The following B3GNT4 variants were observed in gnomAD, a reference collection of about 807,000 sequenced individuals.
The protein encoded by B3GNT4 is N-acetyllactosaminide beta-1,3-N-acetylglucosaminyltransferase 4.
In B3GNT4, 2 loss-of-function variants were observed where a neutral mutation model predicts 2.7. That is an observed-to-expected ratio of 0.73 (90% CI 0.30 to 2.31). B3GNT4 has a LOEUF of 2.31. Ranked by LOEUF, B3GNT4 falls within the 30% of genes most tolerant of loss-of-function variation. The pLI, the probability that B3GNT4 is intolerant of heterozygous loss-of-function variation, is 0.12. For missense variants in B3GNT4, 708 were observed against 490.9 expected, an observed-to-expected ratio of 1.44 and a Z score of -4.18; for synonymous variants, 280 against 203.4, an observed-to-expected ratio of 1.38 and a Z score of -3.20.
At chr12:122,204,852 C>G (rs1329910261) in intron 2 of B3GNT4, 168 bp downstream of exon 2, 2 of 609,128 alleles carry the variant, frequency 3.3e-6, no homozygotes, top group Non-Finnish European at 5.8e-6. Context: ...CCAGCCCAGG[C>G]AACAAAAGAT....
intron 2 of B3GNT4, 178 bp downstream of exon 2, chr12:122,204,862 T>C (rs1162046254): frequency 3.4e-6 from 2 of 590,854 alleles, no homozygotes; most frequent in African/African-American, 3.8e-5. Context: ...CAACAAAAGA[T>C]ACCACATCTC....
At position 122,204,560 on chromosome 12, in the gene B3GNT4, A is replaced by ACCC. The variant is rs2136071361; in HGVS notation, c.-57_-55dup. On this transcript the variant is annotated 5_prime_UTR_variant, in exon 2 of 3. Coordinates refer to ENST00000324189, the MANE Select transcript of B3GNT4 (RefSeq NM_030765.4). Reference sequence around the variant, plus strand: ...CACACCTGAGACTCATCTCGCTTCGACCCCGCCGCCGCCGCCGCCCGGCAT... The same window carrying ACCC: ...CACACCTGAGACTCATCTCGCTTCGACCCCCCCGCCGCCGCCGCCGCCCGGCAT... 6.6e-6 allele frequency: 8 copies of ACCC among 1,216,376 alleles called. No homozygotes were observed. The highest frequency in any genetic ancestry group is 9.6e-6 in the Non-Finnish European group (8 of 834,746). 75.3% of individuals were successfully genotyped at this position (1,216,376 alleles called of 1,614,324 possible).
Position 122,206,508 on chromosome 12 carries a change from C to T in B3GNT4, c.257C>T (p.Ser86Phe). 6.2e-7 allele frequency: 1 copy of T among 1,614,198 alleles called. No homozygotes were observed. Among genetic ancestry groups the T allele is most frequent in the East Asian group, 2.2e-5 (1 of 44,878 alleles). Reference protein sequence around the residue: ...CPPNHTVSSASLSLPSRHRLF... With the variant: ...CPPNHTVSSAFLSLPSRHRLF... ...CCCAACCACACAGTGTCTAGCGCCTCTCTGTCCCTGCCTAGCCGTCACCGT... is the reference window on the plus strand; with the variant it reads ...CCCAACCACACAGTGTCTAGCGCCTTTCTGTCCCTGCCTAGCCGTCACCGT... Residue 86 changes from serine (S) to phenylalanine (F), a missense_variant, in exon 3 of 3, where the codon TCT (serine) becomes TTT (phenylalanine). Transcript: ENST00000324189.
chr12:122,207,231 C>T lies in B3GNT4; in HGVS notation c.980C>T (p.Thr327Ile), dbSNP rs754835806. The T allele has an allele frequency of 9.3e-6, 15 of 1,614,024 alleles. No homozygotes were observed. Among genetic ancestry groups the T allele is most frequent in the Admixed American group, 1.7e-5 (1 of 59,998 alleles). The change falls in exon 3 of 3, where the codon ACA becomes ATA. Residue 327 changes from threonine (T) to isoleucine (I), a missense_variant. Coordinates refer to ENST00000324189, the MANE Select transcript of B3GNT4 (RefSeq NM_030765.4). ...LSPMHHAGFK[T>I]FGIRRPLDPL... ...CCTATGCACCATGCTGGCTTCAAGA[C>T]ATTTGGAATCCGGCGGCCCCTGGAC...
At position 122,206,929 on chromosome 12, in the gene B3GNT4, C is replaced by T. The variant is rs1056583190; in HGVS notation, c.678C>T (p.Pro226=). Residue 226 remains proline (P), a synonymous_variant, in exon 3 of 3, where the codon CCC becomes CCT. Transcript: ENST00000324189. ...ATGACGATGTCTTTGTCCACGTCCCCAACGTGTTAGAGTTCCTGGATGGCT... is the reference window on the plus strand; with the variant it reads ...ATGACGATGTCTTTGTCCACGTCCCTAACGTGTTAGAGTTCCTGGATGGCT... ...KGDDDVFVHV[P]NVLEFLDGWD... The T allele has an allele frequency of 6.8e-6, 11 of 1,614,004 alleles. No homozygotes were observed. Among genetic ancestry groups the T allele is most frequent in the Non-Finnish European group, 9.3e-6 (11 of 1,180,034 alleles).
In B3GNT4 at chr12:122,207,259, C is replaced by G; in HGVS notation, c.1008C>G (p.Pro336=). 6.2e-7 allele frequency: 1 copy of G among 1,614,144 alleles called. No homozygotes were observed. The change falls in exon 3 of 3, where the codon CCC becomes CCG. Residue 336 remains proline, a synonymous_variant. Transcript: ENST00000324189. ...TTGGAATCCGGCGGCCCCTGGACCC[C>G]TTAGACCCCTGCCTGTATAGGGGGC... The part of the protein sequence containing the change: ...KTFGIRRPLD[P]LDPCLYRGLL...
chr12:122,208,301 G>A lies in B3GNT4; in HGVS notation c.*913G>A, dbSNP rs778564058. ...GCCGCCTCTTCTCGGTGCACAGACA[G>A]TCATGCCAACCCTGGGCAGGGTGGC... On this transcript the variant is annotated 3_prime_UTR_variant, in exon 3 of 3. Transcript: ENST00000324189. 2.6e-6 allele frequency: 4 copies of A among 1,539,960 alleles called. No individual in the cohort carries two copies. Among genetic ancestry groups the A allele is most frequent in the Non-Finnish European group, 3.6e-6 (4 of 1,123,524 alleles).
Position 122,207,458 on chromosome 12 carries a change from C to A in B3GNT4, c.*70C>A. On this transcript the variant is annotated 3_prime_UTR_variant, in exon 3 of 3. Transcript: ENST00000324189. ...CTCTATCGTGATGCGAAATTGATGC[C>A]TGCTGCTCTACAGAAAATGCCAACT... 1 of 1,374,552 alleles carries A rather than the reference C, an allele frequency of 7.3e-7. No homozygotes were observed. Among genetic ancestry groups the A allele is most frequent in the South Asian group, 1.5e-5 (1 of 67,498 alleles). The allele number at this position is 1,374,552 out of a possible 1,614,324, so 85.1% of individuals were successfully genotyped here.
Position 122,208,640 on chromosome 12 carries a change from G to A in B3GNT4, c.*1252G>A, listed in dbSNP as rs1169290943. 3.2e-6 allele frequency: 5 copies of A among 1,549,880 alleles called. No individual in the cohort carries two copies. Among genetic ancestry groups the A allele is most frequent in the Admixed American group, 3.6e-5 (2 of 55,048 alleles). ...CAGGGCGCGGAAGGCTCATGTGGACGTTGGCCTGGGGGTGCTGTGGCTGTC... is the reference window on the plus strand; with the variant it reads ...CAGGGCGCGGAAGGCTCATGTGGACATTGGCCTGGGGGTGCTGTGGCTGTC... On this transcript the variant is annotated 3_prime_UTR_variant, in exon 3 of 3. Transcript: ENST00000324189.
In B3GNT4 at chr12:122,206,855, C is replaced by CA. The variant is rs746674091; in HGVS notation, c.604_605insA (p.Arg202GlnfsTer18). ...GACGCTCAAGGAGCTGCACCTGCAG[C>CA]GCTGGGTGGTGGCTGCCTGCCCCCA... On this transcript the variant is annotated frameshift_variant, in exon 3 of 3. Coordinates refer to ENST00000324189, the MANE Select transcript of B3GNT4 (RefSeq NM_030765.4). LOFTEE classifies it low-confidence loss of function (END_TRUNC). 1 of 1,613,748 alleles carries CA rather than the reference C, an allele frequency of 6.2e-7. No individual in the cohort carries two copies. The highest frequency in any genetic ancestry group is 2.2e-5 in the East Asian group (1 of 44,862).
In B3GNT4 at chr12:122,206,905, T is replaced by C; in HGVS notation, c.654T>C (p.Asp218=). Residue 218 remains aspartate, a synonymous_variant, in exon 3 of 3, where the codon GAT becomes GAC. Coordinates refer to ENST00000324189, the MANE Select transcript of B3GNT4 (RefSeq NM_030765.4). ...AGGCCCATTTCATGCTAAAGGGAGA[T>C]GACGATGTCTTTGTCCACGTCCCCA... The part of the protein sequence containing the change: ...CPQAHFMLKG[D]DDVFVHVPNV... The C allele has an allele frequency of 6.2e-7, 1 of 1,614,062 alleles. No homozygotes were observed. The highest frequency in any genetic ancestry group is 1.3e-5 in the African/African-American group (1 of 75,044).
rs1185214172 is a variant in B3GNT4 at position 122,207,411 on chromosome 12, G to T, written c.*23G>T. The T allele has an allele frequency of 1.5e-5, 23 of 1,515,534 alleles. No homozygotes were observed. Among genetic ancestry groups the T allele is most frequent in the Non-Finnish European group, 2.0e-5 (23 of 1,134,346 alleles). 93.9% of individuals were successfully genotyped at this position (1,515,534 alleles called of 1,614,324 possible). On this transcript the variant is annotated 3_prime_UTR_variant, in exon 3 of 3. Transcript: ENST00000324189. ...TGAAGGGTGGGTTGGGCAACAGCCT[G>T]AGAGTGGACTCAGTGTTGATTCTCT... is the stretch of plus-strand genomic sequence containing the variant.
chr12:122,206,985 A>C lies in B3GNT4; in HGVS notation c.734A>C (p.Asp245Ala), dbSNP rs370749355. 6.2e-7 allele frequency: 1 copy of C among 1,613,798 alleles called. No individual in the cohort carries two copies. The highest frequency in any genetic ancestry group is 1.3e-5 in the African/African-American group (1 of 74,852). ...CCAGCCCAGGACCTCCTGGTGGGAG[A>C]TGTCATCCGCCAAGCCCTGCCCAAC... is the stretch of plus-strand genomic sequence containing the variant. ...WDPAQDLLVG[D>A]VIRQALPNRN... Residue 245 changes from aspartate to alanine, a missense_variant, in exon 3 of 3, where the codon GAT (aspartate) becomes GCT (alanine). Asp to Ala is a moderately radical substitution (Grantham distance 126). Coordinates refer to ENST00000324189, the MANE Select transcript of B3GNT4 (RefSeq NM_030765.4).
Position 122,207,097 on chromosome 12 carries a change from CA to C in B3GNT4, c.847del (p.Met283CysfsTer30). The C allele has an allele frequency of 6.2e-7, 1 of 1,614,124 alleles. No individual in the cohort carries two copies. Among genetic ancestry groups the C allele is most frequent in the South Asian group, 1.1e-5 (1 of 91,066 alleles). The part of the protein sequence containing the change: ...PPYAGGGGYV[M>X]SRATVRRLQA... ...CCTATGCTGGTGGGGGAGGATATGT[CA>C]TGTCCAGAGCCACAGTGCGGCGCCT... On this transcript the variant is annotated frameshift_variant, in exon 3 of 3. Coordinates refer to ENST00000324189, the MANE Select transcript of B3GNT4 (RefSeq NM_030765.4). LOFTEE classifies it low-confidence loss of function (END_TRUNC).
rs766746640 is a variant in B3GNT4 at position 122,208,456 on chromosome 12, C to T, written c.*1068C>T. On this transcript the variant is annotated 3_prime_UTR_variant, in exon 3 of 3. Transcript: ENST00000324189. ...CTTCCTCCTGTGTTTTCTGACGGAG[C>T]TCTTCTATCTGTGCTTCTGCCAGCT... 9 of 1,614,004 alleles carry T rather than the reference C, an allele frequency of 5.6e-6. No individual in the cohort carries two copies. Among genetic ancestry groups the T allele is most frequent in the Non-Finnish European group, 7.6e-6 (9 of 1,180,048 alleles).
chr12:122,208,709 T>C lies in B3GNT4; in HGVS notation c.*1321T>C, dbSNP rs1270484904. 9.3e-6 allele frequency: 8 copies of C among 857,886 alleles called. No individual in the cohort carries two copies. Among genetic ancestry groups the C allele is most frequent in the African/African-American group, 1.7e-5 (1 of 59,924 alleles). The allele number at this position is 857,886 out of a possible 1,614,324, so 53.1% of individuals were successfully genotyped here. A position where few individuals can be genotyped will look rare whatever the true frequency, so the allele number is the denominator to read the frequency against. On this transcript the variant is annotated 3_prime_UTR_variant, in exon 3 of 3. Transcript: ENST00000324189. Reference sequence around the variant, plus strand: ...GTCACTTTCCTTGACCTCCCTGTCTTCTCTCTCTGCAAAGAAACTTCCACC... The same window carrying C: ...GTCACTTTCCTTGACCTCCCTGTCTCCTCTCTCTGCAAAGAAACTTCCACC...
intron 2 of B3GNT4, chr12:122,204,954 CAG>C (rs2136071955): frequency 2.1e-6 from 1 of 477,104 alleles, no homozygotes; most frequent in East Asian, 4.3e-5. Context: ...CGCTTGAACC[CAG>C]GAGTTCCAGG....
chr12:122,208,770 CA>C lies in B3GNT4; in HGVS notation c.*1387del. On this transcript the variant is annotated 3_prime_UTR_variant, in exon 3 of 3. Transcript: ENST00000324189. Reference sequence around the variant, plus strand: ...GGTCTGGATTTAACTGACACTCTGTCAAAAACAGCATTTTTCTTCAGCTGTC... The same window carrying C: ...GGTCTGGATTTAACTGACACTCTGTCAAAACAGCATTTTTCTTCAGCTGTC... The C allele has an allele frequency of 1.4e-6, 1 of 693,116 alleles. No homozygotes were observed. The highest frequency in any genetic ancestry group is 1.5e-5 in the South Asian group (1 of 66,754). 42.9% of individuals were successfully genotyped at this position (693,116 alleles called of 1,614,324 possible).
Position 122,206,320 on chromosome 12 carries a change from A to G in B3GNT4, c.69A>G (p.Gly23=), listed in dbSNP as rs1953914243. 1 of 1,556,846 alleles carries G rather than the reference A, an allele frequency of 6.4e-7. No individual in the cohort carries two copies. Among genetic ancestry groups the G allele is most frequent in the East Asian group, 2.3e-5 (1 of 44,324 alleles). ...RGGRSGLLPK[G]PAMLCRLCWL... is the part of the protein sequence containing the mutation. ...CTCAGGTGGCTCTCTCCTTGCAGGG[A>G]CCGGCGATGCTCTGCAGGCTGTGCT... The change falls in exon 3 of 3, where the codon GGA becomes GGG. Residue 23 remains glycine, a splice_region_variant and synonymous_variant. Coordinates refer to ENST00000324189, the MANE Select transcript of B3GNT4 (RefSeq NM_030765.4).
Sources: gnomAD v4.1 joint callset for allele counts on GRCh38, gnomAD v4.1.1 for gene constraint, MANE v1.5 for transcripts, NCBI Gene and HGNC (gene_info 2026-07-23, HGNC 2026-07-21) for gene names.